Variants in FSTL5 observed in about 807,000 individuals in gnomAD.
FSTL5 encodes the protein follistatin like 5, also known as follistatin-related protein 5.
FSTL5 carries 62 observed loss-of-function variants against 89.1 expected under a neutral mutation model. That is an observed-to-expected ratio of 0.70 (90% CI 0.57 to 0.86). The LOEUF is 0.86. Among genes scored for constraint, FSTL5 ranks in the 40% least tolerant of loss-of-function variants. FSTL5 has a pLI of 0.00. For missense variants in FSTL5, 1,057 were observed against 1,001.6 expected (o/e 1.06, Z -0.75); for synonymous variants, 383 against 346.2 (o/e 1.11, Z -1.18).
intron 4 of FSTL5, among the ~76,000 whole-genome samples, chr4:161,893,765 T>C (rs1348165292): frequency 6.6e-6 from 1 of 152,228 alleles, no homozygotes; most frequent in Non-Finnish European, 1.5e-5. Context: ...ATTTGCAGTA[T>C]CAGCAGTAAT....
At chr4:161,392,982 G>A (rs541822943) in intron 15 of FSTL5, among the ~76,000 whole-genome samples, 2 of 152,090 alleles carry the variant, frequency 1.3e-5, no homozygotes, top group South Asian at 4.2e-4. Context: ...TGGCCAACAT[G>A]ACAAAAACCT....
chr4:161,934,554 T>C (rs1734381223), intron 3 of FSTL5, among the ~76,000 whole-genome samples: 1 of 152,106 alleles, frequency 6.6e-6, no homozygotes, highest in African/African-American at 2.4e-5. Flanking sequence ...TGACCTTCTA[T>C]TGCCTGAGTT....
At chr4:162,062,275 T>G (rs1429523286) in intron 2 of FSTL5, among the ~76,000 whole-genome samples, 1 of 151,944 alleles carries the variant, frequency 6.6e-6, no homozygotes, top group Admixed American at 6.6e-5. Flanking sequence ...TAAATAGCAG[T>G]TGAATAGTGT....
At chr4:161,900,022 T>TC (rs1315215898) in intron 4 of FSTL5, among the ~76,000 whole-genome samples, 1 of 151,902 alleles carries the variant, frequency 6.6e-6, no homozygotes, top group East Asian at 1.9e-4. Flanking sequence ...TGGAGAAAAC[T>TC]GTCTCTACTA....
At chr4:161,435,360 G>A (rs1296939938) in intron 15 of FSTL5, among the ~76,000 whole-genome samples, 2 of 151,980 alleles carry the variant, frequency 1.3e-5, no homozygotes, top group African/African-American at 2.4e-5. Flanking sequence ...ATTTGTGGGA[G>A]CTAAAATTTC....
intron 8 of FSTL5, among the ~76,000 whole-genome samples, chr4:161,549,974 A>G (rs947303536): frequency 6.6e-6 from 1 of 151,892 alleles, no homozygotes; most frequent in African/African-American, 2.4e-5. Flanking sequence ...GCAAACCAAG[A>G]CTAGTTAAAG....
intron 4 of FSTL5, among the ~76,000 whole-genome samples, chr4:161,896,596 G>C: frequency 6.6e-6 from 1 of 152,062 alleles, no homozygotes; most frequent in East Asian, 1.9e-4. Flanking sequence ...ATAAAATGCA[G>C]TATACATCTA....
At chr4:161,777,062 A>G (rs978488000) in intron 4 of FSTL5, among the ~76,000 whole-genome samples, 10 of 151,428 alleles carry the variant, frequency 6.6e-5, no homozygotes, top group African/African-American at 2.4e-4. Flanking sequence ...GGTAACCATC[A>G]CTTTACTCTA....
At chr4:161,639,527 T>C (rs1735869282) in intron 7 of FSTL5, among the ~76,000 whole-genome samples, 1 of 152,192 alleles carries the variant, frequency 6.6e-6, no homozygotes, top group Non-Finnish European at 1.5e-5. Flanking sequence ...TCAATTTAAA[T>C]GGATTCTGAG....
At chr4:161,596,066 T>C (rs1212639247) in intron 7 of FSTL5, among the ~76,000 whole-genome samples, 3 of 151,876 alleles carry the variant, frequency 2.0e-5, no homozygotes, top group Non-Finnish European at 4.4e-5. Flanking sequence ...TTTCATAAAA[T>C]AACAATAAAA....
At chr4:161,754,839 T>C (rs1740518542) in intron 6 of FSTL5, among the ~76,000 whole-genome samples, 2 of 152,184 alleles carry the variant, frequency 1.3e-5, no homozygotes, top group South Asian at 4.1e-4. Context: ...AAATCAGAAG[T>C]ATAGTATTCC....
At chr4:161,789,676 T>C (rs1031911382) in intron 4 of FSTL5, among the ~76,000 whole-genome samples, 1 of 152,200 alleles carries the variant, frequency 6.6e-6, no homozygotes, top group African/African-American at 2.4e-5. Context: ...TTCATTTCTA[T>C]CCACATGATA....
chr4:161,483,044 G>A (rs1436941553), intron 12 of FSTL5, among the ~76,000 whole-genome samples: 1 of 152,206 alleles, frequency 6.6e-6, no homozygotes, highest in Non-Finnish European at 1.5e-5. Flanking sequence ...TACTCGGGAG[G>A]TCAACCTGAG....
chr4:161,813,040 T>G (rs2126841584), intron 4 of FSTL5, among the ~76,000 whole-genome samples: 1 of 151,666 alleles, frequency 6.6e-6, no homozygotes, highest in Admixed American at 6.6e-5. Context: ...CTTTTTTTTT[T>G]TTTTGAGGCA....
At chr4:161,729,898 G>A (rs1348944319) in intron 6 of FSTL5, among the ~76,000 whole-genome samples, 2 of 152,176 alleles carry the variant, frequency 1.3e-5, no homozygotes, top group Non-Finnish European at 2.9e-5. Flanking sequence ...GACTCCATCA[G>A]TGTACTACGT....
At chr4:161,877,712 G>A (rs545762170) in intron 4 of FSTL5, among the ~76,000 whole-genome samples, 1 of 152,012 alleles carries the variant, frequency 6.6e-6, no homozygotes, top group African/African-American at 2.4e-5. Flanking sequence ...TGTAGTCCCA[G>A]CTACTCGGGA....
rs190190434 is a variant in FSTL5 at position 161,922,276 on chromosome 4, G to A, written c.161-1624C>T. ...AATAATTTATTGAAAAGATATTTCC[G>A]ATGTATCTCCAATGTTATTTTAAAT... On this transcript the variant is annotated intron_variant, in intron 3 of 15. Transcript: ENST00000306100. 3.2e-3 allele frequency among the ~76,000 whole-genome samples: 481 copies of A among 151,854 alleles called. 1 individual carries two copies. Among genetic ancestry groups the A allele is most frequent in the African/African-American group, 0.011 (468 of 41,460 alleles).
intron 4 of FSTL5, among the ~76,000 whole-genome samples, chr4:161,787,397 A>T (rs1185017693): frequency 1.3e-5 from 2 of 152,084 alleles, no homozygotes; most frequent in Non-Finnish European, 2.9e-5. Context: ...AACATTTGTA[A>T]AGTGTGAAGT....
intron 3 of FSTL5, among the ~76,000 whole-genome samples, chr4:162,000,772 G>T (rs1736441133): frequency 1.3e-5 from 2 of 152,068 alleles, no homozygotes; most frequent in Admixed American, 1.3e-4. Flanking sequence ...AGTATCTTCT[G>T]CAACAAGGTC....
Sources: allele counts gnomAD v4.1 joint callset (sites outside exome capture counted in the v4.1 genomes callset), GRCh38; gene constraint gnomAD v4.1.1; transcripts MANE v1.5; gene names NCBI Gene and HGNC (gene_info 2026-07-23, HGNC 2026-07-21).